SLC46A2: variants seen among roughly 807,000 people sequenced by gnomAD.
SLC46A2 encodes thymic stromal co-transporter.
In SLC46A2, 25 loss-of-function variants were observed where a neutral mutation model predicts 33.1. The observed-to-expected ratio is 0.76, with a 90% CI of 0.55 to 1.06. SLC46A2 has a LOEUF of 1.06. Among genes scored for constraint, SLC46A2 ranks in the 50% least tolerant of loss-of-function variants. SLC46A2 has a pLI of 0.00. For missense variants in SLC46A2, 622 were observed against 621.7 expected (o/e 1.00, Z 0.00); for synonymous variants, 254 against 275.9 (o/e 0.92, Z 0.79).
chr9:112,882,688 G>T (rs1841595632), intron 3 of SLC46A2, among the ~76,000 whole-genome samples: 1 of 152,104 alleles, frequency 6.6e-6, no homozygotes, highest in African/African-American at 2.4e-5. Context: ...TTGATTGGAG[G>T]TGGGGGGAGA....
chr9:112,890,866 G>A lies in SLC46A2; in HGVS notation c.-185C>T, dbSNP rs1442751148. On this transcript the variant is annotated 5_prime_UTR_variant, in exon 1 of 4. Coordinates refer to ENST00000374228, the MANE Select transcript of SLC46A2 (RefSeq NM_033051.4). This position sits in a 1 kb window ranked among gnomAD's most constrained non-coding sequence, Gnocchi z 6.0. Reference sequence around the variant, plus strand: ...CCAGTGGCGAGCAGAGCCAGGGCACGCAGCGCCTGTGACAGCAGCCCGCCC... The same window carrying A: ...CCAGTGGCGAGCAGAGCCAGGGCACACAGCGCCTGTGACAGCAGCCCGCCC... 1 of 755,884 alleles carries A rather than the reference G, an allele frequency of 1.3e-6. No individual in the cohort carries two copies. Among genetic ancestry groups the A allele is most frequent in the Non-Finnish European group, 2.1e-6 (1 of 484,846 alleles). The allele number at this position is 755,884 out of a possible 1,614,324, so 46.8% of individuals were successfully genotyped here. A position where few individuals can be genotyped will look rare whatever the true frequency, so the allele number is the denominator to read the frequency against.
In SLC46A2 at chr9:112,886,531, G is replaced by A; in HGVS notation, c.1299C>T (p.Thr433=). ...AGCAGGAGCCCACAAACATGTCCAT[G>A]GTGAGCTGGTAGATCTTGTTGTACA... The part of the protein sequence containing the change: ...STLYNKIYQL[T]MDMFVGSCFA... The change falls in exon 3 of 4, where the codon ACC becomes ACT. Residue 433 remains threonine, a synonymous_variant. Transcript: ENST00000374228. 1 of 1,614,164 alleles carries A rather than the reference G, an allele frequency of 6.2e-7. No homozygotes were observed. Among genetic ancestry groups the A allele is most frequent in the South Asian group, 1.1e-5 (1 of 91,074 alleles).
intron 3 of SLC46A2, among the ~76,000 whole-genome samples, chr9:112,884,506 A>G (rs1054407580): frequency 3.9e-5 from 6 of 152,150 alleles, no homozygotes; most frequent in African/African-American, 1.4e-4. Context: ...TACACCAGAG[A>G]TTCTCAATCT....
rs1841554241 is a variant in SLC46A2 at position 112,879,687 on chromosome 9, G to C, written c.*75C>G. 3 of 1,428,620 alleles carry C rather than the reference G, an allele frequency of 2.1e-6. No individual in the cohort carries two copies. Among genetic ancestry groups the C allele is most frequent in the Non-Finnish European group, 2.9e-6 (3 of 1,019,040 alleles). The allele number at this position is 1,428,620 out of a possible 1,614,324, so 88.5% of individuals were successfully genotyped here. ...AAGCAGTGGGTTGCTTAGGTCACCA[G>C]TTCCCTGGTCCCTTCTTTTGTCTTC... is the stretch of plus-strand genomic sequence containing the variant. On this transcript the variant is annotated 3_prime_UTR_variant, in exon 4 of 4. Coordinates refer to ENST00000374228, the MANE Select transcript of SLC46A2 (RefSeq NM_033051.4).
Position 112,879,926 on chromosome 9 carries a change from A to T in SLC46A2, c.1371-107T>A, listed in dbSNP as rs939437546. The stretch of plus-strand genomic sequence containing the variant: ...AATTACAAGCCAGGCTTTAGGCAAA[A>T]TCATAGGTAGGCATTGACCAAGGTG... On this transcript the variant is annotated intron_variant, in intron 3 of 3. Coordinates refer to ENST00000374228, the MANE Select transcript of SLC46A2 (RefSeq NM_033051.4). 1.9e-5 allele frequency: 20 copies of T among 1,025,868 alleles called. No homozygotes were observed. The Admixed American group carries it at 3.3e-4, about 17-fold the overall frequency. 63.5% of individuals were successfully genotyped at this position (1,025,868 alleles called of 1,614,324 possible).
At position 112,890,613 on chromosome 9, in the gene SLC46A2, C is replaced by A; in HGVS notation, c.69G>T (p.Glu23Asp). 2 of 1,606,688 alleles carry A rather than the reference C, an allele frequency of 1.2e-6. No individual in the cohort carries two copies. The highest frequency in any genetic ancestry group is 1.7e-6 in the Non-Finnish European group (2 of 1,179,912). The change falls in exon 1 of 4, where the codon GAG becomes GAT. Residue 23 changes from glutamate (E) to aspartate (D), a missense_variant. Physicochemically the swap from Glu to Asp is conservative, Grantham distance 45. Transcript: ENST00000374228. The surrounding 1 kb of genome is among the most constrained non-coding windows in gnomAD (Gnocchi z 6.0). ...CCACCTGGGACGAGGCCACCACGGGCTCAACCCAGGTCCTCGGGTGGAAGC... is the reference window on the plus strand; with the variant it reads ...CCACCTGGGACGAGGCCACCACGGGATCAACCCAGGTCCTCGGGTGGAAGC... ...LPRFHPRTWV[E>D]PVVASSQVAA...
At position 112,879,666 on chromosome 9, in the gene SLC46A2, A is replaced by G; in HGVS notation, c.*96T>C. ...TGGCTGGAACGCAGGTTTCTTAAGCAGTGGGTTGCTTAGGTCACCAGTTCC... is the reference window on the plus strand; with the variant it reads ...TGGCTGGAACGCAGGTTTCTTAAGCGGTGGGTTGCTTAGGTCACCAGTTCC... On this transcript the variant is annotated 3_prime_UTR_variant, in exon 4 of 4. Coordinates refer to ENST00000374228, the MANE Select transcript of SLC46A2 (RefSeq NM_033051.4). 2.6e-6 allele frequency: 3 copies of G among 1,135,420 alleles called. No homozygotes were observed. Among genetic ancestry groups the G allele is most frequent in the Non-Finnish European group, 3.9e-6 (3 of 765,758 alleles). 70.3% of individuals were successfully genotyped at this position (1,135,420 alleles called of 1,614,324 possible). A position where few individuals can be genotyped will look rare whatever the true frequency, so the allele number is the denominator to read the frequency against.
In SLC46A2 at chr9:112,890,701, T is replaced by C; in HGVS notation, c.-20A>G. On this transcript the variant is annotated 5_prime_UTR_variant, in exon 1 of 4. Transcript: ENST00000374228. The surrounding 1 kb of genome is among the most constrained non-coding windows in gnomAD (Gnocchi z 6.0). ...GCTCATGTGACCTCTCTGATGGGGA[T>C]CGAAGGGCTTTCTGGCTGCAGTGAC... is the stretch of plus-strand genomic sequence containing the variant. The C allele has an allele frequency of 6.3e-7, 1 of 1,575,380 alleles. No homozygotes were observed. The highest frequency in any genetic ancestry group is 8.6e-7 in the Non-Finnish European group (1 of 1,167,226).
At chr9:112,887,930 TGTGTGTGTGTGTGTGTGA>T (rs1443163454) in intron 1 of SLC46A2, among the ~76,000 whole-genome samples, 2 of 140,780 alleles carry the variant, frequency 1.4e-5, no homozygotes, top group Admixed American at 7.3e-5. Flanking sequence ...TGTGTGTGTG[TGTGTGTGTGTGTGTGTGA>T]GAGAGAGAGA....
At chr9:112,883,753 A>G (rs1430619184) in intron 3 of SLC46A2, among the ~76,000 whole-genome samples, 1 of 145,126 alleles carries the variant, frequency 6.9e-6, no homozygotes, top group Non-Finnish European at 1.5e-5. Context: ...GCTGGAGTGC[A>G]GTGGCACGAT....
At chr9:112,880,453 A>G (rs375068218) in intron 3 of SLC46A2, 2 of 153,852 alleles carry the variant, frequency 1.3e-5, no homozygotes, top group African/African-American at 4.8e-5. Flanking sequence ...GACCCTCACC[A>G]AGGAACCAAC....
At chr9:112,885,165 T>C (rs946951828) in intron 3 of SLC46A2, 1 of 152,166 alleles carries the variant, frequency 6.6e-6, no homozygotes, top group Non-Finnish European at 1.5e-5. Context: ...TATGAAATAA[T>C]GCAAAGAGCC....
At chr9:112,883,760 C>T (rs924356361) in intron 3 of SLC46A2, among the ~76,000 whole-genome samples, 2 of 149,590 alleles carry the variant, frequency 1.3e-5, no homozygotes, top group Non-Finnish European at 3.0e-5. Flanking sequence ...TGCAGTGGCA[C>T]GATCTCAGCT....
rs1404643241 is a variant in SLC46A2 at position 112,887,499 on chromosome 9, C to T, written c.1130-86G>A. 1.1e-5 allele frequency: 13 copies of T among 1,192,836 alleles called. No individual in the cohort carries two copies. In the Admixed American group the frequency reaches 3.3e-4, roughly 30 times the overall value. The allele number at this position is 1,192,836 out of a possible 1,614,324, so 73.9% of individuals were successfully genotyped here. On this transcript the variant is annotated intron_variant, in intron 1 of 3. Transcript: ENST00000374228. ...TATCAAAAGCCTCTCTTAGAACCCC[C>T]ATCTCCCCACAATCCGAATGTGGCT...
In SLC46A2 at chr9:112,886,526, T is replaced by C; in HGVS notation, c.1304A>G (p.Asp435Gly). 1 of 1,614,146 alleles carries C rather than the reference T, an allele frequency of 6.2e-7. No individual in the cohort carries two copies. The highest frequency in any genetic ancestry group is 8.5e-7 in the Non-Finnish European group (1 of 1,180,024). The change falls in exon 3 of 4, where the codon GAC (aspartate) becomes GGC (glycine). Residue 435 changes from aspartate to glycine, a missense_variant. Asp to Gly is a moderately conservative substitution (Grantham distance 94, BLOSUM62 -1). Coordinates refer to ENST00000374228, the MANE Select transcript of SLC46A2 (RefSeq NM_033051.4). ...LYNKIYQLTM[D>G]MFVGSCFALS... ...AGCAAAGCAGGAGCCCACAAACATG[T>C]CCATGGTGAGCTGGTAGATCTTGTT... is the stretch of plus-strand genomic sequence containing the variant.
rs755100218 is a variant in SLC46A2, at chr9:112,889,655, G to A, written c.1027C>T (p.Arg343Cys). 4.5e-5 allele frequency: 73 copies of A among 1,613,992 alleles called. No individual in the cohort carries two copies. The highest frequency in any genetic ancestry group is 5.1e-5 in the Non-Finnish European group (60 of 1,180,020). Residue 343 changes from arginine (R) to cysteine (C), a missense_variant, in exon 1 of 4, where the codon CGC (arginine) becomes TGC (cysteine). By Grantham distance (180) the Arg-to-Cys change is radical (BLOSUM62 -3). Transcript: ENST00000374228. Reference sequence around the variant, plus strand: ...ATCATGGTGGTGTCCCGAAAGCAGCGGGAGAAGACCAGGACACCCAGGAAG... The same window carrying A: ...ATCATGGTGGTGTCCCGAAAGCAGCAGGAGAAGACCAGGACACCCAGGAAG... ...TSFLGVLVFS[R>C]CFRDTTMIMI...
At position 112,890,802 on chromosome 9, in the gene SLC46A2, G is replaced by A. The variant is rs532340073; in HGVS notation, c.-121C>T. On this transcript the variant is annotated 5_prime_UTR_variant, in exon 1 of 4. Coordinates refer to ENST00000374228, the MANE Select transcript of SLC46A2 (RefSeq NM_033051.4). This position sits in a 1 kb window ranked among gnomAD's most constrained non-coding sequence, Gnocchi z 6.0. ...GGAGCGCGAGTGTGCTCCGTGCGCC[G>A]GGAGCGCGAGTGTGCTCCGTGCGCC... is the stretch of plus-strand genomic sequence containing the variant. 58 of 726,084 alleles carry A rather than the reference G, an allele frequency of 8.0e-5. No homozygotes were observed. Among genetic ancestry groups the A allele is most frequent in the Non-Finnish European group, 1.0e-4 (54 of 518,722 alleles). 45.0% of individuals were successfully genotyped at this position (726,084 alleles called of 1,614,324 possible).
chr9:112,886,393 G>A lies in SLC46A2; in HGVS notation c.1370+67C>T, dbSNP rs78846689. The stretch of plus-strand genomic sequence containing the variant: ...AATGCAGTGATGGTGGGCTGGAGAA[G>A]GTCCAACATTCCTTGACCTAAGCAT... On this transcript the variant is annotated intron_variant, in intron 3 of 3. Coordinates refer to ENST00000374228, the MANE Select transcript of SLC46A2 (RefSeq NM_033051.4). 1,821 of 1,539,070 alleles carry A rather than the reference G, an allele frequency of 1.2e-3. 15 individuals carry two copies. In the African/African-American group the frequency reaches 0.022, roughly 18 times the overall value.
intron 1 of SLC46A2, among the ~76,000 whole-genome samples, chr9:112,887,946 T>TGTGTGTGTGTGTGA (rs1554760068): frequency 5.0e-5 from 7 of 139,288 alleles, no homozygotes; most frequent in African/African-American, 1.4e-4. Context: ...TGTGTGTGTG[T>TGTGTGTGTGTGTGA]GAGAGAGAGA....
Sources: gnomAD v4.1 joint callset for allele counts (sites outside exome capture counted in the v4.1 genomes callset) on GRCh38, gnomAD v4.1.1 for gene constraint, Gnocchi (gnomAD v3.1) non-coding constraint, MANE v1.5 for transcripts, NCBI Gene and HGNC (gene_info 2026-07-23, HGNC 2026-07-21) for gene names.